The following GSN variants were observed in gnomAD, a reference collection of about 807,000 sequenced individuals.
GSN encodes the protein actin-depolymerizing factor.
GSN carries 56 observed loss-of-function variants against 85.7 expected under a neutral mutation model. That is an observed-to-expected ratio of 0.65 (90% CI 0.53 to 0.82). The LOEUF is 0.82. Among genes scored for constraint, GSN ranks in the 40% least tolerant of loss-of-function variants. GSN has a pLI of 0.00. For synonymous variants in GSN, 373 were observed against 399.1 expected (o/e 0.93, Z 0.78); for missense variants, 857 against 979.8 (o/e 0.87, Z 1.67).
intron 5 of GSN, 53 bp downstream of exon 5, chr9:121,310,898 T>A (rs306785): frequency 6.4e-7 from 1 of 1,573,658 alleles, no homozygotes; most frequent in Non-Finnish European, 8.7e-7. Context: ...CCTGGTCTGA[T>A]CAGGGACTTG....
At chr9:121,233,462 CTAAA>C (rs10695273) in intron 5 of GSN, among the ~76,000 whole-genome samples, 23 of 151,596 alleles carry the variant, frequency 1.5e-4, no homozygotes, top group Non-Finnish European at 2.2e-4. Context: ...GAGACTCCAT[CTAAA>C]TAAATAAATA....
At chr9:121,331,646 A>G in intron 17 of GSN, 198 bp downstream of exon 17, 1 of 568,306 alleles carries the variant, frequency 1.8e-6, no homozygotes, top group South Asian at 2.3e-5. Context: ...TTCCTTCAGA[A>G]ACCCTGAGGC....
intron 1 of GSN, among the ~76,000 whole-genome samples, chr9:121,272,990 C>T (rs1457254639): frequency 6.6e-6 from 1 of 152,202 alleles, no homozygotes; most frequent in South Asian, 2.1e-4. Flanking sequence ...CTGCTCCTCC[C>T]TCCTCCCTTG....
chr9:121,276,826 AGATATACCTAAT>A (rs1171782198), intron 1 of GSN, among the ~76,000 whole-genome samples: 1 of 152,018 alleles, frequency 6.6e-6, no homozygotes, highest in African/African-American at 2.4e-5. Context: ...TAGTATTAGG[AGATATACCTAAT>A]GTAAATGACG....
intron 4 of GSN, among the ~76,000 whole-genome samples, chr9:121,305,710 G>A (rs980576521): frequency 1.6e-4 from 24 of 152,214 alleles, no homozygotes; most frequent in African/African-American, 5.3e-4. Context: ...CTCCAGCTGG[G>A]CCCAGATTTG....
intron 2 of GSN, among the ~76,000 whole-genome samples, chr9:121,292,662 TGGTAGG>T (rs2058806359): frequency 6.6e-6 from 1 of 152,160 alleles, no homozygotes; most frequent in African/African-American, 2.4e-5. Context: ...AGTTCCCTGG[TGGTAGG>T]GATTTGGGCT....
In GSN at chr9:121,299,761, G is replaced by A. The variant is rs994989309; in HGVS notation, c.-9-2202G>A. ...CAGATCCCCGCCCCGCGCCCTCCCT[G>A]GGGGGCGGTCCCCGGCTTGGGCGGG... On this transcript the variant is annotated intron_variant, in intron 2 of 17. Transcript: ENST00000432226. The surrounding 1 kb of genome is among the most constrained non-coding windows in gnomAD (Gnocchi z 4.2). 2 of 1,171,756 alleles carry A rather than the reference G, an allele frequency of 1.7e-6. No individual in the cohort carries two copies. Among genetic ancestry groups the A allele is most frequent in the African/African-American group, 1.6e-5 (1 of 61,094 alleles). The allele number at this position is 1,171,756 out of a possible 1,614,324, so 72.6% of individuals were successfully genotyped here.
At chr9:121,273,457 CAA>C (rs2056260717) in intron 1 of GSN, among the ~76,000 whole-genome samples, 1 of 152,010 alleles carries the variant, frequency 6.6e-6, no homozygotes, top group African/African-American at 2.4e-5. Flanking sequence ...TCCCCACCTC[CAA>C]GGACCTTTTC....
intron 6 of GSN, chr9:121,312,981 G>A (rs35760976): frequency 0.33 from 51,558 of 156,034 alleles, 9,023 homozygotes; most frequent in African/African-American, 0.43. Context: ...AGGGAGCAAG[G>A]GAGATCAGTT....
At chr9:121,278,934 A>ATG (rs1414978958) in intron 1 of GSN, among the ~76,000 whole-genome samples, 1 of 152,246 alleles carries the variant, frequency 6.6e-6, no homozygotes, top group South Asian at 2.1e-4. Flanking sequence ...GGCTCTGTGA[A>ATG]TGTGTGTGTG....
At chr9:121,301,636 A>G (rs1312966890) in intron 2 of GSN, among the ~76,000 whole-genome samples, 1 of 151,668 alleles carries the variant, frequency 6.6e-6, no homozygotes, top group African/African-American at 2.4e-5. Flanking sequence ...AAAAAAAAAA[A>G]AAAAAAAAGA....
intron 2 of GSN, chr9:121,286,785 A>G (rs2058137992): frequency 9.2e-6 from 14 of 1,526,224 alleles, no homozygotes; most frequent in Non-Finnish European, 1.2e-5. Flanking sequence ...AAAGGTGTGT[A>G]GAAGTGAGAG....
intron 10 of GSN, 149 bp downstream of exon 10, chr9:121,319,029 A>G (rs770128505): frequency 2.0e-5 from 14 of 714,766 alleles, no homozygotes; most frequent in Admixed American, 6.7e-5. Flanking sequence ...TTTACAGCCA[A>G]TGCACCCTGT....
At chr9:121,236,928 T>C (rs2054506445) in intron 5 of GSN, among the ~76,000 whole-genome samples, 1 of 152,252 alleles carries the variant, frequency 6.6e-6, no homozygotes, top group South Asian at 2.1e-4. Flanking sequence ...CTTCAGCATC[T>C]GGTAAACACT....
In GSN at chr9:121,299,251, T is replaced by C. The variant is rs2059516662; in HGVS notation, c.-9-2712T>C. 1 of 979,470 alleles carries C rather than the reference T, an allele frequency of 1.0e-6. No homozygotes were observed. The highest frequency in any genetic ancestry group is 1.2e-6 in the Non-Finnish European group (1 of 824,424). The allele number at this position is 979,470 out of a possible 1,614,324, so 60.7% of individuals were successfully genotyped here. A position where few individuals can be genotyped will look rare whatever the true frequency, so the allele number is the denominator to read the frequency against. On this transcript the variant is annotated intron_variant, in intron 2 of 17. Transcript: ENST00000432226. This position sits in a 1 kb window ranked among gnomAD's most constrained non-coding sequence, Gnocchi z 4.2. ...CGTTCTGCCCCGCCCCTCTGAGTCC[T>C]GCCGGCTTCACCTGCCCACGGGAGC...
At chr9:121,273,635 A>G (rs1268716849) in intron 1 of GSN, among the ~76,000 whole-genome samples, 1 of 152,114 alleles carries the variant, frequency 6.6e-6, no homozygotes, top group Admixed American at 6.6e-5. Flanking sequence ...ACCCCCACAC[A>G]ATTATCCTAT....
chr9:121,220,426 T>C (rs990548666), intron 4 of GSN, among the ~76,000 whole-genome samples: 1 of 152,254 alleles, frequency 6.6e-6, no homozygotes, highest in African/African-American at 2.4e-5. Flanking sequence ...ATACTTTCTG[T>C]CACTGTGTAC....
intron 2 of GSN, among the ~76,000 whole-genome samples, chr9:121,289,799 G>A (rs1239885063): frequency 6.6e-6 from 1 of 152,164 alleles, no homozygotes; most frequent in South Asian, 2.1e-4. Flanking sequence ...TTGTTGGGGG[G>A]TTAGTGGGCA....
chr9:121,268,761 G>T (rs1219836682), intron 1 of GSN, among the ~76,000 whole-genome samples: 6 of 152,182 alleles, frequency 3.9e-5, no homozygotes, highest in Non-Finnish European at 8.8e-5. Flanking sequence ...GTAGGTGCTG[G>T]CTTCTCCCCG....
Sources: gnomAD v4.1 joint callset for allele counts (sites outside exome capture counted in the v4.1 genomes callset) on GRCh38, gnomAD v4.1.1 for gene constraint, Gnocchi (gnomAD v3.1) non-coding constraint, MANE v1.5 for transcripts, NCBI Gene and HGNC (gene_info 2026-07-23, HGNC 2026-07-21) for gene names.